Variants in ENTPD1 observed in about 807,000 individuals in gnomAD.
ENTPD1 encodes the protein ectonucleoside triphosphate diphosphohydrolase 1, also known as ATP diphosphohydrolase.
Under a neutral mutation model 57.0 loss-of-function variants are expected in ENTPD1, and 33 were observed. The ratio of observed to expected loss-of-function variants is 0.58; its 90% CI spans 0.44 to 0.77. The LOEUF (loss-of-function observed/expected upper bound fraction) is 0.77, where lower values mean the gene tolerates loss of function less well. Among genes scored for constraint, ENTPD1 ranks in the 30% least tolerant of loss-of-function variants. The pLI, the probability that ENTPD1 is intolerant of heterozygous loss-of-function variation, is 0.00. For synonymous variants in ENTPD1, 202 were observed against 218.8 expected, an observed-to-expected ratio of 0.92 and a Z score of 0.68; for missense variants, 501 against 603.4, an observed-to-expected ratio of 0.83 and a Z score of 1.78.
At position 95,866,917 on chromosome 10, in the gene ENTPD1, A is replaced by G. The variant is rs2098475153; in HGVS notation, c.*534A>G. 9.8e-7 allele frequency: 1 copy of G among 1,019,308 alleles called. No individual in the cohort carries two copies. The highest frequency in any genetic ancestry group is 1.2e-6 in the Non-Finnish European group (1 of 849,660). The allele number at this position is 1,019,308 out of a possible 1,614,324, so 63.1% of individuals were successfully genotyped here. ...TAGGAGAATTTTCTACAGTAGGCAAATATGTGCTAAAGCCAAAGAGTTTTA... is the reference window on the plus strand; with the variant it reads ...TAGGAGAATTTTCTACAGTAGGCAAGTATGTGCTAAAGCCAAAGAGTTTTA... On this transcript the variant is annotated 3_prime_UTR_variant, in exon 10 of 10. Coordinates refer to ENST00000371205, the MANE Select transcript of ENTPD1 (RefSeq NM_001776.6).
chr10:95,834,978 CA>C (rs1316079835), intron 2 of ENTPD1, among the ~76,000 whole-genome samples: 2 of 152,010 alleles, frequency 1.3e-5, no homozygotes, highest in Non-Finnish European at 2.9e-5. Flanking sequence ...GGCACATGTG[CA>C]TATTTGTTTC....
intron 2 of ENTPD1, among the ~76,000 whole-genome samples, chr10:95,838,122 C>T (rs1207862249): frequency 1.3e-5 from 2 of 152,150 alleles, no homozygotes; most frequent in African/African-American, 4.8e-5. Context: ...TCCCCATTTA[C>T]TTCCCTCTAT....
intron 1 of ENTPD1, among the ~76,000 whole-genome samples, chr10:95,720,408 G>A (rs2097976191): frequency 6.6e-6 from 1 of 152,184 alleles, no homozygotes; most frequent in South Asian, 2.1e-4. Context: ...AATTAGAAAA[G>A]CATGTGAAAG....
Position 95,814,946 on chromosome 10 carries a change from C to CT in ENTPD1, c.17-8285dup, listed in dbSNP as rs879885484. On this transcript the variant is annotated intron_variant, in intron 1 of 9. Coordinates refer to ENST00000371205, the MANE Select transcript of ENTPD1 (RefSeq NM_001776.6). ...AATGTCCATCTCATTTTTCCTCCTTCTTTTTTGCCTTTTGCCCTTTAACTA... is the reference window on the plus strand; with the variant it reads ...AATGTCCATCTCATTTTTCCTCCTTCTTTTTTTGCCTTTTGCCCTTTAACTA... Among the ~76,000 whole-genome samples, 11 of 151,854 alleles carry CT rather than the reference C, an allele frequency of 7.2e-5. No homozygotes were observed. In the East Asian group the frequency reaches 2.1e-3, roughly 29 times the overall value.
chr10:95,802,764 A>T (rs1404899502), intron 1 of ENTPD1, among the ~76,000 whole-genome samples: 2 of 152,158 alleles, frequency 1.3e-5, no homozygotes, highest in African/African-American at 4.8e-5. Flanking sequence ...ATCTTCATCC[A>T]TGTCTCCGCA....
intron 2 of ENTPD1, among the ~76,000 whole-genome samples, chr10:95,827,545 G>A (rs189229103): frequency 1.3e-5 from 2 of 152,290 alleles, no homozygotes; most frequent in Non-Finnish European, 2.9e-5. Context: ...GAGTGCAGTG[G>A]TGCGATCTCA....
In ENTPD1 at chr10:95,847,667, C is replaced by T; in HGVS notation, c.1035C>T (p.Phe345=). The change falls in exon 7 of 10, where the codon TTC becomes TTT. Residue 345 remains phenylalanine, a synonymous_variant. Coordinates refer to ENST00000371205, the MANE Select transcript of ENTPD1 (RefSeq NM_001776.6). ...ACTGCCCTTACTCCCAGTGTGCCTT[C>T]AATGGGATTTTCTTGCCACCACTCC... ...TSYCPYSQCA[F]NGIFLPPLQG... 1.2e-6 allele frequency: 2 copies of T among 1,614,154 alleles called. No individual in the cohort carries two copies. The highest frequency in any genetic ancestry group is 1.7e-6 in the Non-Finnish European group (2 of 1,180,014).
At chr10:95,768,482 T>C (rs543880191) in intron 1 of ENTPD1, among the ~76,000 whole-genome samples, 3 of 145,538 alleles carry the variant, frequency 2.1e-5, no homozygotes, top group Non-Finnish European at 4.5e-5. Context: ...TCTTTCTTCT[T>C]TCTTTCTTTT....
chr10:95,839,288 C>A, intron 2 of ENTPD1: 1 of 264,644 alleles, frequency 3.8e-6, no homozygotes, highest in Non-Finnish European at 7.4e-6. Flanking sequence ...TGAAGCTTTC[C>A]AGGTGATTCC....
chr10:95,758,741 A>G (rs1482643542), intron 1 of ENTPD1, among the ~76,000 whole-genome samples: 2 of 152,200 alleles, frequency 1.3e-5, no homozygotes, highest in East Asian at 3.8e-4. Context: ...CAGTCATGAT[A>G]GGGGTACAGG....
intron 1 of ENTPD1, among the ~76,000 whole-genome samples, chr10:95,779,994 T>G (rs758546830): frequency 3.3e-4 from 50 of 152,132 alleles, no homozygotes; most frequent in Non-Finnish European, 5.7e-4. Flanking sequence ...AGAGGTGTAT[T>G]GCAGACCTAA....
chr10:95,738,882 T>C (rs1339182284), intron 1 of ENTPD1, among the ~76,000 whole-genome samples: 1 of 152,194 alleles, frequency 6.6e-6, no homozygotes, highest in African/African-American at 2.4e-5. Context: ...CTCGAGAATT[T>C]GAAGTCACAC....
At chr10:95,742,225 T>A (rs907650377) in intron 1 of ENTPD1, among the ~76,000 whole-genome samples, 1 of 152,166 alleles carries the variant, frequency 6.6e-6, no homozygotes, top group Admixed American at 6.5e-5. Flanking sequence ...TTAATACAAT[T>A]CTGGGGCACT....
rs2098168951 is a variant in ENTPD1 at position 95,784,143 on chromosome 10, A to C, written c.16+27888A>C. 2.1e-5 allele frequency among the ~76,000 whole-genome samples: 3 copies of C among 144,894 alleles called. No homozygotes were observed. In the South Asian group the frequency reaches 6.4e-4, roughly 31 times the overall value. Reference sequence around the variant, plus strand: ...TGATTGTAGAAAAGATCAGTGTAGCAATTTGACCATTTGCCAAATTACCCA... The same window carrying C: ...TGATTGTAGAAAAGATCAGTGTAGCCATTTGACCATTTGCCAAATTACCCA... On this transcript the variant is annotated intron_variant, in intron 1 of 9. Transcript: ENST00000371205.
rs2098483582 is a variant in ENTPD1 at position 95,874,343 on chromosome 10, G to T, written c.*7960G>T. ...TCCATGCAAGTCTGAAATCCAGTGG[G>T]GCAGTCAAATTTTAAAGCTCCATAA... On this transcript the variant is annotated 3_prime_UTR_variant, in exon 10 of 10. Transcript: ENST00000371205. Among the ~76,000 whole-genome samples, 1 of 152,140 alleles carries T rather than the reference G, an allele frequency of 6.6e-6. No homozygotes were observed. Among genetic ancestry groups the T allele is most frequent in the Non-Finnish European group, 1.5e-5 (1 of 68,012 alleles).
At chr10:95,810,949 A>G (rs1472614246) in intron 1 of ENTPD1, among the ~76,000 whole-genome samples, 1 of 152,206 alleles carries the variant, frequency 6.6e-6, no homozygotes, top group Non-Finnish European at 1.5e-5. Context: ...CAGGAACTAG[A>G]TACTAATCAA....
intron 7 of ENTPD1, among the ~76,000 whole-genome samples, chr10:95,853,388 T>C (rs573217604): frequency 3.7e-4 from 56 of 152,336 alleles, no homozygotes; most frequent in African/African-American, 1.3e-3. Context: ...CAGGGACAAT[T>C]TGACTTCCTC....
At chr10:95,733,789 G>T (rs2097991749) in intron 1 of ENTPD1, among the ~76,000 whole-genome samples, 1 of 152,146 alleles carries the variant, frequency 6.6e-6, no homozygotes, top group South Asian at 2.1e-4. Context: ...GTGAGTGGCA[G>T]AATTCTTTGT....
chr10:95,803,253 AT>A (rs1287172368), intron 1 of ENTPD1, among the ~76,000 whole-genome samples: 3 of 152,168 alleles, frequency 2.0e-5, no homozygotes, highest in African/African-American at 7.2e-5. Context: ...GTCAAATGGT[AT>A]TTCTAGTTCT....
Sources: gnomAD v4.1 joint callset for allele counts (sites outside exome capture counted in the v4.1 genomes callset) on GRCh38, gnomAD v4.1.1 for gene constraint, MANE v1.5 for transcripts, NCBI Gene and HGNC (gene_info 2026-07-23, HGNC 2026-07-21) for gene names.